Variants in KCND3 observed in about 807,000 individuals in gnomAD.
KCND3 encodes the protein A-type voltage-gated potassium channel KCND3.
In KCND3, 9 loss-of-function variants were observed where a neutral mutation model predicts 51.1. The ratio of observed to expected loss-of-function variants is 0.18; its 90% CI spans 0.11 to 0.31. KCND3 has a LOEUF of 0.31. KCND3 is among the 10% of genes least tolerant of loss of function. The pLI, the probability that KCND3 is intolerant of heterozygous loss-of-function variation, is 1.00. For missense variants in KCND3, 526 were observed against 903.8 expected (o/e 0.58, Z 5.36); for synonymous variants, 349 against 368.0 (o/e 0.95, Z 0.59).
intron 2 of KCND3, among the ~76,000 whole-genome samples, chr1:111,868,402 A>G (rs752683345): frequency 2.6e-5 from 4 of 151,902 alleles, no homozygotes; most frequent in Non-Finnish European, 5.9e-5. Flanking sequence ...AGGCCCCAAA[A>G]CACCCAAAAC....
chr1:111,921,553 G>T (rs774832019), intron 2 of KCND3, among the ~76,000 whole-genome samples: 33 of 152,326 alleles, frequency 2.2e-4, no homozygotes, highest in Non-Finnish European at 4.1e-4. Context: ...GAGTAGGGAT[G>T]AGGGGCTGCC....
intron 2 of KCND3, among the ~76,000 whole-genome samples, chr1:111,859,871 T>C (rs1668254898): frequency 6.6e-6 from 1 of 152,240 alleles, no homozygotes; most frequent in South Asian, 2.1e-4. Flanking sequence ...TAGTATTTGA[T>C]GAGATGAGGG....
chr1:111,839,453 G>A (rs571030499), intron 2 of KCND3, among the ~76,000 whole-genome samples: 1 of 152,126 alleles, frequency 6.6e-6, no homozygotes, highest in Non-Finnish European at 1.5e-5. Flanking sequence ...CTTTCTTTTG[G>A]ACAAAGCTAA....
At chr1:111,935,715 TCTCTC>T (rs2101872437) in intron 2 of KCND3, among the ~76,000 whole-genome samples, 1 of 152,294 alleles carries the variant, frequency 6.6e-6, no homozygotes, top group South Asian at 2.1e-4. Context: ...AACAGACCTG[TCTCTC>T]CTGCAAATTG....
At chr1:111,907,866 G>C (rs180995412) in intron 2 of KCND3, among the ~76,000 whole-genome samples, 45 of 152,344 alleles carry the variant, frequency 3.0e-4, no homozygotes, top group African/African-American at 1.1e-3. Context: ...TCTTCTACCA[G>C]CTTTTTAACC....
intron 2 of KCND3, among the ~76,000 whole-genome samples, chr1:111,866,579 A>AACATACAC (rs1668582067): frequency 7.9e-6 from 1 of 126,744 alleles, no homozygotes; most frequent in Non-Finnish European, 1.6e-5. Flanking sequence ...TGTTTCTTTA[A>AACATACAC]ACACACACAC....
intron 2 of KCND3, chr1:111,853,918 A>G (rs1557979240): frequency 6.6e-6 from 1 of 152,252 alleles, no homozygotes; most frequent in Non-Finnish European, 1.5e-5. Context: ...TCCAAACACG[A>G]TAGTTATGAG....
chr1:111,953,875 A>G (rs1449143417), intron 2 of KCND3, among the ~76,000 whole-genome samples: 1 of 152,186 alleles, frequency 6.6e-6, no homozygotes, highest in African/African-American at 2.4e-5. Flanking sequence ...GAGGAGGCTC[A>G]TTGAGGGCGT....
chr1:111,896,578 A>C (rs912736236), intron 2 of KCND3, among the ~76,000 whole-genome samples: 2 of 152,184 alleles, frequency 1.3e-5, no homozygotes, highest in African/African-American at 2.4e-5. Flanking sequence ...AGAGCTCATT[A>C]TTTGAAATGT....
chr1:111,835,294 A>G (rs1259753752), intron 2 of KCND3, among the ~76,000 whole-genome samples: 2 of 152,176 alleles, frequency 1.3e-5, no homozygotes, highest in Admixed American at 6.5e-5. Context: ...TGTTGATTTT[A>G]CCAACAGATA....
chr1:111,816,402 G>T (rs1666090161), intron 2 of KCND3, among the ~76,000 whole-genome samples: 1 of 152,278 alleles, frequency 6.6e-6, no homozygotes, highest in South Asian at 2.1e-4. Context: ...AGCTTTGCGT[G>T]CATTCGCACG....
intron 2 of KCND3, among the ~76,000 whole-genome samples, chr1:111,959,135 G>C (rs1297938459): frequency 6.6e-6 from 1 of 152,176 alleles, no homozygotes; most frequent in Non-Finnish European, 1.5e-5. Context: ...TGCTTAAATA[G>C]AGAATGTGTT....
chr1:111,837,531 T>TAGTATGTG (rs1667120177), intron 2 of KCND3, among the ~76,000 whole-genome samples: 1 of 152,172 alleles, frequency 6.6e-6, no homozygotes, highest in Admixed American at 6.5e-5. Context: ...CTCGTAAAGC[T>TAGTATGTG]AGTATGTGAC....
intron 2 of KCND3, among the ~76,000 whole-genome samples, chr1:111,816,900 C>T (rs1051513009): frequency 3.9e-5 from 6 of 152,240 alleles, no homozygotes; most frequent in African/African-American, 1.4e-4. Flanking sequence ...TTGGAAGCAA[C>T]TGAGCTCTGA....
chr1:111,888,681 C>CAAAA (rs34732548), intron 2 of KCND3, among the ~76,000 whole-genome samples: 1 of 103,610 alleles, frequency 9.7e-6, no homozygotes, highest in South Asian at 3.6e-4. Context: ...CACTCCATCT[C>CAAAA]AAAAAAAAAA....
At position 111,895,411 on chromosome 1, in the gene KCND3, TAAAAA is replaced by T. The variant is rs531498425; in HGVS notation, c.1106+86205_1106+86209del. On this transcript the variant is annotated intron_variant, in intron 2 of 7. Coordinates refer to ENST00000302127, the MANE Select transcript of KCND3 (RefSeq NM_001378969.1). ...AATGGGGAGGTGGGGGAAGGGGTAA[TAAAAA>T]TTAAATTAAAGAAATTTTTTAAAGT... Among the ~76,000 whole-genome samples, 265 of 152,290 alleles carry T rather than the reference TAAAAA, an allele frequency of 1.7e-3. 3 individuals carry two copies. The highest frequency in any genetic ancestry group is 6.2e-3 in the African/African-American group (258 of 41,564).
At chr1:111,988,429 G>A (rs1441978748) in intron 1 of KCND3, among the ~76,000 whole-genome samples, 1 of 152,036 alleles carries the variant, frequency 6.6e-6, no homozygotes, top group East Asian at 1.9e-4. Flanking sequence ...TTTCTCTGGG[G>A]GGTCCCTTGT....
At chr1:111,977,661 G>A (rs968714034) in intron 2 of KCND3, among the ~76,000 whole-genome samples, 1 of 152,130 alleles carries the variant, frequency 6.6e-6, no homozygotes. Context: ...GCCTCCCATG[G>A]TCCTTGCGGA....
At position 111,776,054 on chromosome 1, in the gene KCND3, C is replaced by G; in HGVS notation, c.*23G>C. 1 of 1,613,742 alleles carries G rather than the reference C, an allele frequency of 6.2e-7. No individual in the cohort carries two copies. The highest frequency in any genetic ancestry group is 8.5e-7 in the Non-Finnish European group (1 of 1,179,618). ...AGTCCCCTTCATTCCCCACTACCCA[C>G]TCTGGCCCTCTGTCCAGTGGTTTTA... On this transcript the variant is annotated 3_prime_UTR_variant, in exon 8 of 8. Transcript: ENST00000302127.
Sources: allele counts gnomAD v4.1 joint callset (sites outside exome capture counted in the v4.1 genomes callset), GRCh38; gene constraint gnomAD v4.1.1; transcripts MANE v1.5; gene names NCBI Gene and HGNC (gene_info 2026-07-23, HGNC 2026-07-21).